SPTBN1: variants seen among roughly 807,000 people sequenced by gnomAD.
SPTBN1 encodes the protein spectrin beta, non-erythrocytic 1.
SPTBN1 carries 32 observed loss-of-function variants against 266.4 expected under a neutral mutation model. That is an observed-to-expected ratio of 0.12 (90% confidence interval 0.09 to 0.16). The LOEUF is 0.16. Ranked by LOEUF, SPTBN1 falls within the 10% of genes least tolerant of loss-of-function variation. SPTBN1 has a pLI of 1.00. For synonymous variants in SPTBN1, 1,336 were observed against 1,162.2 expected (o/e 1.15, Z -3.04); for missense variants, 2,296 against 3,067.1 (o/e 0.75, Z 5.94).
At chr2:54,547,100 A>T (rs1672287715) in intron 2 of SPTBN1, among the ~76,000 whole-genome samples, 2 of 152,032 alleles carry the variant, frequency 1.3e-5, no homozygotes, top group South Asian at 4.1e-4. Context: ...GAAACTCTAC[A>T]CCCATTAAAC....
Position 54,653,839 on chromosome 2 carries a change from C to T in SPTBN1, c.5808C>T (p.Ala1936=). 1.2e-6 allele frequency: 2 copies of T among 1,612,022 alleles called. No individual in the cohort carries two copies. The change falls in exon 27 of 36, where the codon GCC becomes GCT. Residue 1936 remains alanine, a synonymous_variant. Coordinates refer to ENST00000356805, the MANE Select transcript of SPTBN1 (RefSeq NM_003128.3). The surrounding 1 kb of genome is among the most constrained non-coding windows in gnomAD (Gnocchi z 5.1). Reference sequence around the variant, plus strand: ...AGGATGTCATCCGGCAGATCGAGGCCCAGGAGAAGCCAAGGTAACGCTTTC... The same window carrying T: ...AGGATGTCATCCGGCAGATCGAGGCTCAGGAGAAGCCAAGGTAACGCTTTC... ...WMEDVIRQIE[A]QEKPRDVSSV... is the part of the protein sequence containing the mutation.
At chr2:54,584,487 G>T (rs891667985) in intron 2 of SPTBN1, among the ~76,000 whole-genome samples, 2 of 152,146 alleles carry the variant, frequency 1.3e-5, no homozygotes. Context: ...CCAACCACAT[G>T]TGAGTGTCCT....
intron 2 of SPTBN1, among the ~76,000 whole-genome samples, chr2:54,593,992 C>G (rs528162860): frequency 1.3e-5 from 2 of 151,770 alleles, no homozygotes; most frequent in East Asian, 3.9e-4. Context: ...GCCACCATGC[C>G]CGGCTAATTT....
intron 2 of SPTBN1, among the ~76,000 whole-genome samples, chr2:54,575,598 G>T (rs1319351022): frequency 6.6e-6 from 1 of 152,162 alleles, no homozygotes; most frequent in Non-Finnish European, 1.5e-5. Context: ...GATATTGAGC[G>T]TTGACATATC....
At chr2:54,506,023 T>C (rs1371592979) in intron 1 of SPTBN1, among the ~76,000 whole-genome samples, 3 of 151,576 alleles carry the variant, frequency 2.0e-5, no homozygotes, top group South Asian at 4.2e-4. Context: ...ACTTGGGAGG[T>C]TGAGGCAGGA....
intron 2 of SPTBN1, among the ~76,000 whole-genome samples, chr2:54,577,742 A>G (rs1375288866): frequency 6.6e-6 from 1 of 152,174 alleles, no homozygotes; most frequent in African/African-American, 2.4e-5. Context: ...ATTCCAACCC[A>G]CGCAGTGCGC....
chr2:54,523,926 A>G (rs527431191), intron 1 of SPTBN1, among the ~76,000 whole-genome samples: 2 of 152,352 alleles, frequency 1.3e-5, no homozygotes, highest in African/African-American at 4.8e-5. Context: ...ACAGCCGGGC[A>G]TGGTGGCTCA....
At chr2:54,462,546 T>C (rs558862035) in intron 1 of SPTBN1, among the ~76,000 whole-genome samples, 17 of 152,238 alleles carry the variant, frequency 1.1e-4, no homozygotes, top group Non-Finnish European at 1.8e-4. Context: ...TGTTTTTTAT[T>C]TAATGAATAA....
At chr2:54,542,991 T>C (rs912548634) in intron 2 of SPTBN1, among the ~76,000 whole-genome samples, 1 of 152,212 alleles carries the variant, frequency 6.6e-6, no homozygotes, top group Non-Finnish European at 1.5e-5. Flanking sequence ...CTTTGGAAAC[T>C]GTATGGGCCC....
In SPTBN1 at chr2:54,632,678, A is replaced by G. The variant is rs147205482; in HGVS notation, c.3677A>G (p.Asn1226Ser). The change falls in exon 17 of 36, where the codon AAT (asparagine) becomes AGT (serine). Residue 1226 changes from asparagine to serine, a missense_variant. This residue lies in a region of SPTBN1 where 386 missense variants were observed against 486.1 expected (regional missense o/e 0.79). Coordinates refer to ENST00000356805, the MANE Select transcript of SPTBN1 (RefSeq NM_003128.3). ...ATGGACGCCAATGAGGAGAAGATCA[A>G]TGCTGTGGTGGAGACTGGCCGGAGG... is the stretch of plus-strand genomic sequence containing the variant. ...TTMDANEEKI[N>S]AVVETGRRLV... 6.6e-4 allele frequency: 1,073 copies of G among 1,614,238 alleles called. 2 individuals are homozygous for G. The highest frequency in any genetic ancestry group is 7.8e-4 in the Non-Finnish European group (926 of 1,180,042).
intron 18 of SPTBN1, among the ~76,000 whole-genome samples, chr2:54,640,092 A>G (rs1424609522): frequency 6.6e-6 from 1 of 152,206 alleles, no homozygotes; most frequent in East Asian, 1.9e-4. Flanking sequence ...GTATAGTACT[A>G]TAATCAAAAG....
chr2:54,664,186 T>G lies in SPTBN1; in HGVS notation c.6421-267T>G. 1 of 367,846 alleles carries G rather than the reference T, an allele frequency of 2.7e-6. No individual in the cohort carries two copies. Among genetic ancestry groups the G allele is most frequent in the South Asian group, 6.8e-5 (1 of 14,812 alleles). 22.8% of individuals were successfully genotyped at this position (367,846 alleles called of 1,614,324 possible). ...ATAAGAGGAGATGATCTGAGTTATA[T>G]TTATTGATCAGAGGAATAGAGTGCA... On this transcript the variant is annotated intron_variant, in intron 32 of 35. Coordinates refer to ENST00000356805, the MANE Select transcript of SPTBN1 (RefSeq NM_003128.3). This position sits in a 1 kb window ranked among gnomAD's most constrained non-coding sequence, Gnocchi z 5.6.
chr2:54,459,233 G>A (rs1693232785), intron 1 of SPTBN1, among the ~76,000 whole-genome samples: 1 of 152,244 alleles, frequency 6.6e-6, no homozygotes, highest in African/African-American at 2.4e-5. Context: ...GTATTGGGCA[G>A]TGAAGGAACT....
intron 1 of SPTBN1, among the ~76,000 whole-genome samples, chr2:54,511,848 G>A (rs1356241905): frequency 6.6e-6 from 1 of 152,064 alleles, no homozygotes; most frequent in Non-Finnish European, 1.5e-5. Context: ...TCCAGCCTGG[G>A]TGACAGAGCT....
chr2:54,557,562 G>C (rs1672958498), intron 2 of SPTBN1, among the ~76,000 whole-genome samples: 2 of 152,120 alleles, frequency 1.3e-5, no homozygotes, highest in Non-Finnish European at 2.9e-5. Flanking sequence ...CAAGTTTAGA[G>C]GCCTTGTTTT....
intron 34 of SPTBN1, among the ~76,000 whole-genome samples, chr2:54,666,880 G>T (rs961698766): frequency 6.6e-6 from 1 of 152,342 alleles, no homozygotes; most frequent in East Asian, 1.9e-4. Context: ...CTGCTGCTGC[G>T]CAGTGCAGGC....
At chr2:54,531,135 A>G (rs961732998) in intron 2 of SPTBN1, among the ~76,000 whole-genome samples, 1 of 152,150 alleles carries the variant, frequency 6.6e-6, no homozygotes, top group Non-Finnish European at 1.5e-5. Context: ...TAAAGGGGAA[A>G]TTGTTTTCCT....
intron 2 of SPTBN1, among the ~76,000 whole-genome samples, chr2:54,553,653 GT>G (rs1444250403): frequency 1.3e-5 from 2 of 152,174 alleles, no homozygotes; most frequent in Non-Finnish European, 2.9e-5. Context: ...ATGAAACTTT[GT>G]TTTCTGTCCC....
chr2:54,491,641 G>A (rs1000138604), intron 1 of SPTBN1, among the ~76,000 whole-genome samples: 19 of 151,148 alleles, frequency 1.3e-4, no homozygotes, highest in African/African-American at 4.4e-4. Context: ...CCAGGCTGGA[G>A]TGCAGTGGTG....
Sources: allele counts gnomAD v4.1 joint callset (sites outside exome capture counted in the v4.1 genomes callset), GRCh38; gene constraint gnomAD v4.1.1; regional missense constraint gnomAD v4.1.1; non-coding constraint Gnocchi (gnomAD v3.1); transcripts MANE v1.5; gene names NCBI Gene and HGNC (gene_info 2026-07-23, HGNC 2026-07-21).